The following KCND2 variants were observed in gnomAD, a reference collection of about 807,000 sequenced individuals.
KCND2 encodes the protein potassium voltage-gated channel subfamily D member 2, also known as A-type voltage-gated potassium channel KCND2.
KCND2 carries 16 observed loss-of-function variants against 54.4 expected under a neutral mutation model. The observed-to-expected ratio is 0.29, with a 90% CI of 0.20 to 0.45. The LOEUF (loss-of-function observed/expected upper bound fraction) is 0.45, where lower values mean the gene tolerates loss of function less well. KCND2 is among the 20% of genes least tolerant of loss of function. The probability of loss-of-function intolerance (pLI) is 1.00; values close to 1 mark genes in which losing one functional copy is unlikely to be tolerated. For missense variants in KCND2, 486 were observed against 824.2 expected (o/e 0.59, Z 5.02); for synonymous variants, 317 against 310.7 (o/e 1.02, Z -0.21).
chr7:120,723,471 G>A (rs966710491), intron 1 of KCND2, among the ~76,000 whole-genome samples: 1 of 152,206 alleles, frequency 6.6e-6, no homozygotes, highest in Non-Finnish European at 1.5e-5. Flanking sequence ...GGATGATGGT[G>A]AGATTTAGAG....
intron 1 of KCND2, among the ~76,000 whole-genome samples, chr7:120,682,319 C>T (rs779884071): frequency 1.5e-4 from 23 of 151,744 alleles, no homozygotes; most frequent in African/African-American, 2.4e-4. Flanking sequence ...ATTATATTAT[C>T]GAGATATTTA....
At chr7:120,347,333 G>A (rs758562530) in intron 1 of KCND2, among the ~76,000 whole-genome samples, 1 of 152,068 alleles carries the variant, frequency 6.6e-6, no homozygotes, top group Non-Finnish European at 1.5e-5. Context: ...TAATAAACAG[G>A]CCCTATTCTA....
rs1800425465 is a variant in KCND2, at chr7:120,352,453, CAT to C, written c.1115+76708_1115+76709del. Among the ~76,000 whole-genome samples, 11 of 60,316 alleles carry C rather than the reference CAT, an allele frequency of 1.8e-4. No individual in the cohort carries two copies. In the South Asian group the frequency reaches 9.5e-3, roughly 52 times the overall value. The allele number at this position is 60,316 out of a possible 152,430, so 39.6% of individuals were successfully genotyped here. On this transcript the variant is annotated intron_variant, in intron 1 of 5. Transcript: ENST00000331113. ...ACATATATACAAATATATATACACACATACATACACACACACACACACACACA... is the reference window on the plus strand; with the variant it reads ...ACATATATACAAATATATATACACACACATACACACACACACACACACACA...
chr7:120,619,845 A>G (rs1793075481), intron 1 of KCND2, among the ~76,000 whole-genome samples: 1 of 152,206 alleles, frequency 6.6e-6, no homozygotes, highest in African/African-American at 2.4e-5. Flanking sequence ...TTCTTGGCTT[A>G]TGATCTTTTG....
intron 1 of KCND2, among the ~76,000 whole-genome samples, chr7:120,618,252 C>G (rs1793053821): frequency 6.6e-6 from 1 of 152,028 alleles, no homozygotes; most frequent in Non-Finnish European, 1.5e-5. Context: ...AGTCAAGTGC[C>G]TTTCCTATAA....
In KCND2 at chr7:120,561,793, G is replaced by A. The variant is rs186195536; in HGVS notation, c.1116-171110G>A. ...CATCTGACTAATTTTTTTGTATTTAGTAGAGACGGGGCTTCACCATGTTAG... is the reference window on the plus strand; with the variant it reads ...CATCTGACTAATTTTTTTGTATTTAATAGAGACGGGGCTTCACCATGTTAG... On this transcript the variant is annotated intron_variant, in intron 1 of 5. Transcript: ENST00000331113. Among the ~76,000 whole-genome samples, 305 of 151,808 alleles carry A rather than the reference G, an allele frequency of 2.0e-3. 2 individuals carry two copies. Among genetic ancestry groups the A allele is most frequent in the African/African-American group, 7.1e-3 (292 of 41,398 alleles).
At chr7:120,386,340 A>G (rs936657015) in intron 1 of KCND2, among the ~76,000 whole-genome samples, 3 of 152,034 alleles carry the variant, frequency 2.0e-5, no homozygotes, top group African/African-American at 4.8e-5. Context: ...TCCCAGGTTA[A>G]TCATTTATCT....
chr7:120,451,616 AG>A (rs1802110014), intron 1 of KCND2, among the ~76,000 whole-genome samples: 1 of 152,202 alleles, frequency 6.6e-6, no homozygotes, highest in African/African-American at 2.4e-5. Flanking sequence ...GCAGACGTAA[AG>A]GCAAATGAGT....
chr7:120,682,449 A>C (rs1792151274), intron 1 of KCND2, among the ~76,000 whole-genome samples: 4 of 152,116 alleles, frequency 2.6e-5, no homozygotes, highest in African/African-American at 9.6e-5. Context: ...AAAATGTGTT[A>C]AGATTCCTTA....
intron 1 of KCND2, among the ~76,000 whole-genome samples, chr7:120,397,752 A>G (rs1294449844): frequency 6.6e-6 from 1 of 151,652 alleles, no homozygotes; most frequent in Non-Finnish European, 1.5e-5. Flanking sequence ...TGTTCCCCAT[A>G]TGATTAAATA....
At chr7:120,397,630 G>T (rs572835317) in intron 1 of KCND2, among the ~76,000 whole-genome samples, 2 of 151,860 alleles carry the variant, frequency 1.3e-5, no homozygotes, top group Non-Finnish European at 2.9e-5. Flanking sequence ...TGATGATCAA[G>T]GCCAAAGTCC....
At chr7:120,504,522 G>T (rs1241970171) in intron 1 of KCND2, among the ~76,000 whole-genome samples, 3 of 151,728 alleles carry the variant, frequency 2.0e-5, no homozygotes, top group Non-Finnish European at 2.9e-5. Context: ...GCAGTTAATT[G>T]TTAGTTGGTT....
chr7:120,495,185 A>C (rs1328595542), intron 1 of KCND2, among the ~76,000 whole-genome samples: 1 of 152,148 alleles, frequency 6.6e-6, no homozygotes, highest in African/African-American at 2.4e-5. Flanking sequence ...TTTACATTTT[A>C]TAAAAGCTAA....
intron 1 of KCND2, among the ~76,000 whole-genome samples, chr7:120,595,748 A>G (rs1320831129): frequency 6.6e-6 from 1 of 151,810 alleles, no homozygotes; most frequent in Non-Finnish European, 1.5e-5. Flanking sequence ...TGTAAAAATA[A>G]TTGAACTTTA....
At chr7:120,278,153 CTT>C (rs1219879434) in intron 1 of KCND2, among the ~76,000 whole-genome samples, 1 of 151,914 alleles carries the variant, frequency 6.6e-6, no homozygotes, top group Non-Finnish European at 1.5e-5. Flanking sequence ...AGAAAAATGT[CTT>C]TAATTTCTCA....
chr7:120,405,925 A>G (rs995564117), intron 1 of KCND2, among the ~76,000 whole-genome samples: 4 of 152,172 alleles, frequency 2.6e-5, no homozygotes, highest in African/African-American at 7.2e-5. Context: ...GGTTTCTGTC[A>G]TGGTATAGTA....
At chr7:120,455,536 T>C (rs1802186159) in intron 1 of KCND2, among the ~76,000 whole-genome samples, 1 of 152,116 alleles carries the variant, frequency 6.6e-6, no homozygotes, top group African/African-American at 2.4e-5. Flanking sequence ...TGCACACATA[T>C]CTTCATCACA....
At chr7:120,585,502 G>T (rs1792585680) in intron 1 of KCND2, among the ~76,000 whole-genome samples, 1 of 152,126 alleles carries the variant, frequency 6.6e-6, no homozygotes, top group Non-Finnish European at 1.5e-5. Flanking sequence ...AGAAACATAT[G>T]GTGCTTGGAC....
At chr7:120,739,507 C>T (rs1792913488) in intron 2 of KCND2, among the ~76,000 whole-genome samples, 1 of 151,958 alleles carries the variant, frequency 6.6e-6, no homozygotes, top group Non-Finnish European at 1.5e-5. Context: ...ACTATTGTGT[C>T]AGTATTTTGA....
Sources: allele counts gnomAD v4.1 joint callset (sites outside exome capture counted in the v4.1 genomes callset), GRCh38; gene constraint gnomAD v4.1.1; transcripts MANE v1.5; gene names NCBI Gene and HGNC (gene_info 2026-07-23, HGNC 2026-07-21).